Variants in UMAD1 observed in about 807,000 individuals in gnomAD.
UMAD1 encodes the protein UBAP1-MVB12-associated (UMA) domain containing 1, also known as UBAP1-MVB12-associated (UMA)-domain containing protein 1.
Under a neutral mutation model 6.1 loss-of-function variants are expected in UMAD1, and 8 were observed. That is an observed-to-expected ratio of 1.30 (90% CI 0.76 to 2.35). The LOEUF is 2.35. Among genes scored for constraint, UMAD1 ranks in the 30% most tolerant of loss-of-function variants. The pLI, the probability that UMAD1 is intolerant of heterozygous loss-of-function variation, is 0.00. For synonymous variants in UMAD1, 56 were observed against 31.4 expected (o/e 1.78, Z -2.61); for missense variants, 130 against 78.4 (o/e 1.66, Z -2.49).
chr7:7,839,616 C>G (rs1307551718), intron 3 of UMAD1, among the ~76,000 whole-genome samples: 19 of 151,938 alleles, frequency 1.3e-4, no homozygotes, highest in Non-Finnish European at 1.0e-4. Context: ...TGTTCGAATG[C>G]TAATAGGAAT....
chr7:7,741,241 A>G (rs1292444345), intron 2 of UMAD1: 1 of 151,846 alleles, frequency 6.6e-6, no homozygotes, highest in Non-Finnish European at 1.5e-5. Flanking sequence ...AGAACTTTGG[A>G]TTCCTTTAAA....
At chr7:7,662,812 G>A (rs1301326403) in intron 1 of UMAD1, among the ~76,000 whole-genome samples, 2 of 152,168 alleles carry the variant, frequency 1.3e-5, no homozygotes, top group Non-Finnish European at 2.9e-5. Flanking sequence ...TTAATGGTGA[G>A]TGTTAAAATG....
At chr7:7,807,812 G>T (rs1782947858) in intron 3 of UMAD1, among the ~76,000 whole-genome samples, 1 of 152,060 alleles carries the variant, frequency 6.6e-6, no homozygotes, top group Non-Finnish European at 1.5e-5. Context: ...AGTACTTCCT[G>T]AAGTAGTGTT....
At chr7:7,796,477 C>T (rs1257993835) in intron 2 of UMAD1, among the ~76,000 whole-genome samples, 1 of 151,982 alleles carries the variant, frequency 6.6e-6, no homozygotes, top group Admixed American at 6.5e-5. Context: ...TTTCGAACTC[C>T]CAACCTCAGG....
chr7:7,758,660 T>C (rs1315347535), intron 2 of UMAD1, among the ~76,000 whole-genome samples: 1 of 152,216 alleles, frequency 6.6e-6, no homozygotes, highest in Non-Finnish European at 1.5e-5. Flanking sequence ...ATTTAAACAT[T>C]TTATATAAGT....
At chr7:7,828,030 A>G (rs1783381271) in intron 3 of UMAD1, among the ~76,000 whole-genome samples, 1 of 152,200 alleles carries the variant, frequency 6.6e-6, no homozygotes, top group Admixed American at 6.5e-5. Flanking sequence ...TGAATATGTC[A>G]GGTTATTGGG....
In UMAD1 at chr7:7,872,081, A is replaced by AAAAAAAT. The variant is rs553428978; in HGVS notation, c.157-5179_157-5173dup. ...AGTAAAGTCTGCTCTACTCAGCCAT[A>AAAAAAAT]AAAAAATAAAAAATAAAAAATAAAA... On this transcript the variant is annotated intron_variant, in intron 3 of 3. Transcript: ENST00000682710. 1.1e-4 allele frequency among the ~76,000 whole-genome samples: 16 copies of AAAAAAAT among 151,952 alleles called. No homozygotes were observed. The South Asian group carries it at 1.5e-3, about 14-fold the overall frequency.
chr7:7,835,686 A>T (rs1008794226), intron 3 of UMAD1, among the ~76,000 whole-genome samples: 15 of 151,654 alleles, frequency 9.9e-5, no homozygotes, highest in African/African-American at 3.4e-4. Flanking sequence ...AGCAGTGGAG[A>T]TTATTTGTCA....
chr7:7,760,567 C>T (rs1338223817), intron 2 of UMAD1, among the ~76,000 whole-genome samples: 3 of 151,910 alleles, frequency 2.0e-5, no homozygotes, highest in Non-Finnish European at 4.4e-5. Context: ...ATTAAGTCAT[C>T]CAAAAACCTC....
intron 3 of UMAD1, among the ~76,000 whole-genome samples, chr7:7,869,751 A>G (rs2115339625): frequency 6.6e-6 from 1 of 152,302 alleles, no homozygotes; most frequent in Middle Eastern, 3.4e-3. Flanking sequence ...GCGCCTCCTA[A>G]TAGACTTCAT....
At chr7:7,729,979 C>T (rs1781215639) in intron 2 of UMAD1, among the ~76,000 whole-genome samples, 2 of 152,184 alleles carry the variant, frequency 1.3e-5, no homozygotes, top group African/African-American at 4.8e-5. Context: ...AGCCTATGGT[C>T]AATAGTTGCA....
chr7:7,729,256 C>T (rs1046363364), intron 2 of UMAD1, among the ~76,000 whole-genome samples: 2 of 152,102 alleles, frequency 1.3e-5, no homozygotes, highest in Admixed American at 6.5e-5. Context: ...TGATGAGGCT[C>T]GGGAGTTAGG....
chr7:7,765,253 G>C (rs1433536572), intron 2 of UMAD1, among the ~76,000 whole-genome samples: 1 of 151,916 alleles, frequency 6.6e-6, no homozygotes, highest in African/African-American at 2.4e-5. Context: ...TTTTCTTCCA[G>C]TAGCCAAATT....
At chr7:7,809,705 A>C (rs967343502) in intron 3 of UMAD1, among the ~76,000 whole-genome samples, 2 of 151,442 alleles carry the variant, frequency 1.3e-5, no homozygotes, top group Non-Finnish European at 3.0e-5. Flanking sequence ...TTCCCTACCC[A>C]CTCCCTTCCC....
At chr7:7,721,419 C>T (rs989345689) in intron 2 of UMAD1, among the ~76,000 whole-genome samples, 4 of 152,132 alleles carry the variant, frequency 2.6e-5, no homozygotes, top group African/African-American at 4.8e-5. Context: ...AAGGCACCTG[C>T]GTGAAAACCA....
At chr7:7,822,097 A>G (rs1783251896) in intron 3 of UMAD1, among the ~76,000 whole-genome samples, 2 of 152,144 alleles carry the variant, frequency 1.3e-5, no homozygotes. Flanking sequence ...GCAAGCATTT[A>G]TTAATAATCA....
chr7:7,840,872 T>G (rs1024321698), intron 3 of UMAD1, among the ~76,000 whole-genome samples: 1 of 152,202 alleles, frequency 6.6e-6, no homozygotes, highest in Non-Finnish European at 1.5e-5. Flanking sequence ...ACAGTTGTTG[T>G]GAAGCTTGGA....
At chr7:7,710,631 A>G (rs1267295949) in intron 2 of UMAD1, among the ~76,000 whole-genome samples, 1 of 152,214 alleles carries the variant, frequency 6.6e-6, no homozygotes, top group Non-Finnish European at 1.5e-5. Flanking sequence ...ATTACTCTGG[A>G]AAATAGACAG....
At chr7:7,724,932 G>T (rs1290628800) in intron 2 of UMAD1, among the ~76,000 whole-genome samples, 2 of 152,134 alleles carry the variant, frequency 1.3e-5, no homozygotes. Flanking sequence ...TCACTTCCAC[G>T]AGATACCACA....
Sources: allele counts gnomAD v4.1 joint callset (sites outside exome capture counted in the v4.1 genomes callset), GRCh38; gene constraint gnomAD v4.1.1; transcripts MANE v1.5; gene names NCBI Gene and HGNC (gene_info 2026-07-23, HGNC 2026-07-21).